The following SH3RF3 variants were observed in gnomAD, a reference collection of about 807,000 sequenced individuals.
SH3RF3 encodes SH3 domain containing ring finger 3, also known as E3 ubiquitin-protein ligase SH3RF3.
Under a neutral mutation model 66.3 loss-of-function variants are expected in SH3RF3, and 29 were observed. The observed-to-expected ratio is 0.44, with a 90% CI of 0.33 to 0.60. The LOEUF is 0.60. Ranked by LOEUF, SH3RF3 falls within the 20% of genes least tolerant of loss-of-function variation. The pLI is 0.04. For missense variants in SH3RF3, 1,194 were observed against 1,190.9 expected (o/e 1.00, Z -0.04); for synonymous variants, 583 against 532.0 (o/e 1.10, Z -1.32).
intron 4 of SH3RF3, among the ~76,000 whole-genome samples, chr2:109,412,323 C>T (rs13001686): frequency 0.5 from 75,903 of 152,122 alleles, 19,202 homozygotes; most frequent in Middle Eastern, 0.57. Flanking sequence ...GGTGGAGATC[C>T]AAGTGCCGGG....
chr2:109,359,159 A>G (rs1230741110), intron 2 of SH3RF3, among the ~76,000 whole-genome samples: 1 of 152,184 alleles, frequency 6.6e-6, no homozygotes, highest in Non-Finnish European at 1.5e-5. Flanking sequence ...ATTGCCAATG[A>G]CAGACTGTCT....
chr2:109,152,893 T>C (rs1237453270), intron 1 of SH3RF3, among the ~76,000 whole-genome samples: 1 of 152,212 alleles, frequency 6.6e-6, no homozygotes, highest in Non-Finnish European at 1.5e-5. Context: ...CTCCTTGTTC[T>C]CGATGGAGGC....
intron 1 of SH3RF3, among the ~76,000 whole-genome samples, chr2:109,213,599 G>C (rs558633588): frequency 2.2e-4 from 34 of 152,314 alleles, no homozygotes; most frequent in African/African-American, 8.2e-4. Context: ...GACACCAGCT[G>C]TGTCCAACAC....
At chr2:109,218,505 G>C (rs908412557) in intron 1 of SH3RF3, among the ~76,000 whole-genome samples, 2 of 152,188 alleles carry the variant, frequency 1.3e-5, no homozygotes, top group African/African-American at 4.8e-5. Context: ...AGAAATAGAA[G>C]AGCAGATGGA....
intron 1 of SH3RF3, among the ~76,000 whole-genome samples, chr2:109,225,679 T>G (rs1558968223): frequency 1.3e-5 from 2 of 152,268 alleles, no homozygotes; most frequent in Non-Finnish European, 2.9e-5. Flanking sequence ...CCTGTAAATA[T>G]CAGGAACAGA....
intron 1 of SH3RF3, among the ~76,000 whole-genome samples, chr2:109,307,525 A>C: frequency 6.9e-6 from 1 of 145,508 alleles, no homozygotes; most frequent in Non-Finnish European, 1.5e-5. Flanking sequence ...TGCACCCACT[A>C]ACTCGTCATC....
In SH3RF3 at chr2:109,129,921, G is replaced by C. The variant is rs369119361; in HGVS notation, c.381G>C (p.Ala127=). ...ACGGCATCCGTCAGCGGCCCCGCGC[G>C]GGCACCAGCCCCGGCGGCAGCCCGC... ...LLDGIRQRPR[A]GTSPGGSPPA... The change falls in exon 1 of 10, where the codon GCG becomes GCC. Residue 127 remains alanine, a synonymous_variant. Transcript: ENST00000309415. The C allele has an allele frequency of 6.3e-4, 951 of 1,499,444 alleles. 5 individuals carry two copies. In the African/African-American group the frequency reaches 0.013, roughly 20 times the overall value. The allele number at this position is 1,499,444 out of a possible 1,614,324, so 92.9% of individuals were successfully genotyped here.
Position 109,398,899 on chromosome 2 carries a change from A to T in SH3RF3, c.1255A>T (p.Arg419Trp). 1 of 1,613,626 alleles carries T rather than the reference A, an allele frequency of 6.2e-7. No individual in the cohort carries two copies. The highest frequency in any genetic ancestry group is 2.2e-5 in the East Asian group (1 of 44,884). The change falls in exon 4 of 10, where the codon AGG becomes TGG. Residue 419 changes from arginine to tryptophan, a missense_variant. Transcript: ENST00000309415. ...ISSSDPRAAA[R>W]IGDLAHLSCA... ...CTCCAGCGATCCCCGAGCCGCGGCCAGGATTGGAGACCTTGCTCATCTGTC... is the reference window on the plus strand; with the variant it reads ...CTCCAGCGATCCCCGAGCCGCGGCCTGGATTGGAGACCTTGCTCATCTGTC...
At chr2:109,240,754 A>G (rs1019846378) in intron 1 of SH3RF3, among the ~76,000 whole-genome samples, 3 of 150,152 alleles carry the variant, frequency 2.0e-5, no homozygotes, top group Admixed American at 6.6e-5. Flanking sequence ...GCTTCTTCCT[A>G]TTTCCTCCTG....
chr2:109,383,540 G>T (rs933316110), intron 3 of SH3RF3, among the ~76,000 whole-genome samples: 1 of 152,142 alleles, frequency 6.6e-6, no homozygotes, highest in Admixed American at 6.5e-5. Flanking sequence ...AATGGATAGG[G>T]TGCAGGCTTC....
intron 4 of SH3RF3, among the ~76,000 whole-genome samples, chr2:109,408,612 G>T (rs1199375253): frequency 6.6e-6 from 1 of 152,242 alleles, no homozygotes; most frequent in Non-Finnish European, 1.5e-5. Flanking sequence ...GCAAGAGAGT[G>T]CTTTCCCTCT....
At chr2:109,434,110 G>A (rs1001370494) in intron 6 of SH3RF3, among the ~76,000 whole-genome samples, 3 of 152,204 alleles carry the variant, frequency 2.0e-5, no homozygotes, top group African/African-American at 4.8e-5. Context: ...CTCACCTGTC[G>A]TGTCATCAGA....
At chr2:109,466,346 G>A (rs1365433926) in intron 8 of SH3RF3, among the ~76,000 whole-genome samples, 1 of 152,100 alleles carries the variant, frequency 6.6e-6, no homozygotes, top group Admixed American at 6.5e-5. Flanking sequence ...CTCCCAAAGT[G>A]CTGGGATTAT....
chr2:109,266,268 A>G lies in SH3RF3; in HGVS notation c.574-81406A>G, dbSNP rs549443096. Among the ~76,000 whole-genome samples the G allele has an allele frequency of 1.2e-3, 177 of 149,968 alleles. 1 individual carries two copies. Among genetic ancestry groups the G allele is most frequent in the Non-Finnish European group, 2.4e-3 (161 of 67,402 alleles). ...TGTGTGCTGTGTGTGTTGTGCGTGC[A>G]TGTGTTATTTGCATGTTTGTGTTGT... On this transcript the variant is annotated intron_variant, in intron 1 of 9. Coordinates refer to ENST00000309415, the MANE Select transcript of SH3RF3 (RefSeq NM_001099289.3).
chr2:109,335,365 T>G (rs1367689479), intron 1 of SH3RF3, among the ~76,000 whole-genome samples: 2 of 152,228 alleles, frequency 1.3e-5, no homozygotes, highest in Non-Finnish European at 2.9e-5. Flanking sequence ...TATTTCCTTC[T>G]GAGTCTCTGC....
At chr2:109,204,188 C>T (rs1416770788) in intron 1 of SH3RF3, among the ~76,000 whole-genome samples, 2 of 152,324 alleles carry the variant, frequency 1.3e-5, no homozygotes, top group East Asian at 1.9e-4. Flanking sequence ...GCCACATCTG[C>T]TCTTTCCTTT....
chr2:109,378,807 A>G (rs1683447616), intron 3 of SH3RF3, among the ~76,000 whole-genome samples: 1 of 152,158 alleles, frequency 6.6e-6, no homozygotes, highest in Admixed American at 6.5e-5. Flanking sequence ...TCCTGGCTTT[A>G]TGTGACCTCA....
chr2:109,160,541 T>G (rs921289931), intron 1 of SH3RF3, among the ~76,000 whole-genome samples: 3 of 152,200 alleles, frequency 2.0e-5, no homozygotes, highest in African/African-American at 7.2e-5. Context: ...GAGTTGTGCC[T>G]CTCTGGCTTA....
intron 8 of SH3RF3, among the ~76,000 whole-genome samples, chr2:109,480,485 C>T (rs1678808238): frequency 6.6e-6 from 1 of 152,120 alleles, no homozygotes; most frequent in African/African-American, 2.4e-5. Context: ...CCTGTTAGTC[C>T]TGAGGGTGCC....
Sources: allele counts gnomAD v4.1 joint callset (sites outside exome capture counted in the v4.1 genomes callset), GRCh38; gene constraint gnomAD v4.1.1; transcripts MANE v1.5; gene names NCBI Gene and HGNC (gene_info 2026-07-23, HGNC 2026-07-21).